TENM1: variants seen among roughly 807,000 people sequenced by gnomAD.
The protein encoded by TENM1 is teneurin transmembrane protein 1.
Under a neutral mutation model 174.8 loss-of-function variants are expected in TENM1, and 35 were observed. That is an observed-to-expected ratio of 0.20 (90% CI 0.15 to 0.27). The LOEUF (loss-of-function observed/expected upper bound fraction) is 0.27, where lower values mean the gene tolerates loss of function less well. Ranked by LOEUF, TENM1 falls within the 10% of genes least tolerant of loss-of-function variation. TENM1 has a pLI of 1.00. For synonymous variants in TENM1, 781 were observed against 798.7 expected (o/e 0.98, Z 0.37); for missense variants, 1,633 against 2,130.1 (o/e 0.77, Z 4.59).
intron 18 of TENM1, among the ~76,000 whole-genome samples, chrX:124,511,349 C>T (rs942861823): frequency 2.7e-5 from 3 of 111,846 alleles, no homozygotes; most frequent in East Asian, 2.8e-4. Context: ...TTTCAGTTAA[C>T]GATTATGAAT....
chrX:124,728,271 A>T (rs1443078635), intron 4 of TENM1, among the ~76,000 whole-genome samples: 2 of 112,275 alleles, frequency 1.8e-5, no homozygotes, highest in Non-Finnish European at 3.8e-5. Context: ...TGAAATTTAG[A>T]TTTCTGGCTC....
intron 25 of TENM1, among the ~76,000 whole-genome samples, chrX:124,406,973 C>T (rs2060470345): frequency 9.0e-6 from 1 of 111,599 alleles, no homozygotes; most frequent in Non-Finnish European, 1.9e-5. Flanking sequence ...TTTAAGTTGC[C>T]AAATTTGAAA....
intron 3 of TENM1, among the ~76,000 whole-genome samples, chrX:124,856,035 TG>T (rs1265202043): frequency 9.1e-6 from 1 of 110,212 alleles, no homozygotes; most frequent in East Asian, 2.9e-4. Flanking sequence ...AGTTTCAGTT[TG>T]TTTTTTTTTA....
the TENM1 span, among the ~76,000 whole-genome samples, chrX:125,147,937 CT>C: frequency 2.7e-5 from 3 of 111,929 alleles, no homozygotes; most frequent in Admixed American, 1.9e-4. Context: ...CCGCCAATGA[CT>C]TTTTCTCTTA....
chrX:124,984,635 T>A, the TENM1 span, among the ~76,000 whole-genome samples: 1 of 111,518 alleles, frequency 9.0e-6, no homozygotes, highest in African/African-American at 3.3e-5. Flanking sequence ...TTGGCCTAAA[T>A]CTTTATGGAA....
intron 5 of TENM1, among the ~76,000 whole-genome samples, chrX:124,692,088 AC>A (rs1265244780): frequency 1.8e-5 from 2 of 112,002 alleles, no homozygotes; most frequent in Non-Finnish European, 3.8e-5. Flanking sequence ...CTGAGTTGTT[AC>A]CTAATATTTG....
intron 6 of TENM1, among the ~76,000 whole-genome samples, chrX:124,669,011 G>C (rs1445516583): frequency 8.9e-6 from 1 of 111,772 alleles, no homozygotes; most frequent in Non-Finnish European, 1.9e-5. Flanking sequence ...TTTGAAAGCA[G>C]GTTCTATAGC....
chrX:125,131,710 CA>C, the TENM1 span, among the ~76,000 whole-genome samples: 1 of 111,616 alleles, frequency 9.0e-6, no homozygotes, highest in African/African-American at 3.3e-5. Flanking sequence ...CCAACAATAG[CA>C]GGGGAAATGC....
the TENM1 span, among the ~76,000 whole-genome samples, chrX:124,995,974 C>G: frequency 1.8e-5 from 2 of 111,038 alleles, no homozygotes; most frequent in African/African-American, 6.5e-5. Context: ...GAACACTATT[C>G]TTTCTTGAAA....
chrX:124,471,257 TTATAATATATAGTACTATA>T (rs1569533436), intron 22 of TENM1, among the ~76,000 whole-genome samples: 1 of 60,269 alleles, frequency 1.7e-5, no homozygotes, highest in African/African-American at 7.7e-5. Flanking sequence ...ATAATATATA[TTATAATATATAGTACTATA>T]TATAATATAT....
At chrX:124,703,727 C>A (rs892647128) in intron 5 of TENM1, among the ~76,000 whole-genome samples, 2 of 111,919 alleles carry the variant, frequency 1.8e-5, no homozygotes, top group Non-Finnish European at 3.8e-5. Flanking sequence ...CGCCTCCATT[C>A]CTTCAGCAGT....
chrX:124,392,429 C>A, intron 27 of TENM1, 81 bp from the exon 31 acceptor site: 1 of 792,182 alleles, frequency 1.3e-6, no homozygotes, highest in Non-Finnish European at 1.8e-6. Context: ...GAATCCTTTC[C>A]TGATTATCCA....
In TENM1 at chrX:124,573,887, G is replaced by T. The variant is rs773438175; in HGVS notation, c.2078-8327C>A. Among the ~76,000 whole-genome samples, 6 of 112,069 alleles carry T rather than the reference G, an allele frequency of 5.4e-5. 1 individual carries two copies. In the South Asian group the frequency reaches 2.2e-3, roughly 42 times the overall value. On this transcript the variant is annotated intron_variant, in intron 11 of 31. Transcript: ENST00000422452. ...GGTTGGTGTGGGTGAAGAACTAACA[G>T]AAAACAGATGCTGGCAATTGTATAA...
At chrX:124,582,751 T>C (rs896216816) in intron 11 of TENM1, among the ~76,000 whole-genome samples, 3 of 111,972 alleles carry the variant, frequency 2.7e-5, no homozygotes, top group Non-Finnish European at 5.6e-5. Context: ...ACTCGGGAAG[T>C]GCAAGGGGTC....
intron 1 of TENM1, among the ~76,000 whole-genome samples, chrX:124,912,491 T>G (rs1208089464): frequency 9.1e-6 from 1 of 110,274 alleles, no homozygotes; most frequent in Non-Finnish European, 1.9e-5. Context: ...AGTTTTATTT[T>G]GTTGGGGGGA....
chrX:124,870,582 C>G (rs1387151547), intron 3 of TENM1, among the ~76,000 whole-genome samples: 5 of 110,583 alleles, frequency 4.5e-5, no homozygotes, highest in Admixed American at 3.9e-4. Context: ...ACATGCAATA[C>G]TTGGAGGAAG....
intron 22 of TENM1, among the ~76,000 whole-genome samples, chrX:124,470,299 G>A (rs2061285207): frequency 9.0e-6 from 1 of 111,644 alleles, no homozygotes; most frequent in South Asian, 3.7e-4. Context: ...AGGTAGAAAT[G>A]TACCTGCTTT....
chrX:124,809,284 G>A (rs2055697694), intron 3 of TENM1, among the ~76,000 whole-genome samples: 1 of 111,369 alleles, frequency 9.0e-6, no homozygotes. Flanking sequence ...CCAATAGAAA[G>A]TAAGGACATT....
chrX:125,002,617 T>C, the TENM1 span, among the ~76,000 whole-genome samples: 8 of 111,602 alleles, frequency 7.2e-5, no homozygotes, highest in East Asian at 2.0e-3. Flanking sequence ...CCCAGTTTCC[T>C]GCCCAGAGTC....
Sources: gnomAD v4.1 joint callset for allele counts (sites outside exome capture counted in the v4.1 genomes callset) on GRCh38, gnomAD v4.1.1 for gene constraint, MANE v1.5 for transcripts, NCBI Gene and HGNC (gene_info 2026-07-23, HGNC 2026-07-21) for gene names.